The following ZFHX3 variants were observed in gnomAD, a reference collection of about 807,000 sequenced individuals.
The protein encoded by ZFHX3 is zinc finger homeobox 3.
A neutral mutation model predicts 279.1 loss-of-function variants in ZFHX3; 42 were observed. That is an observed-to-expected ratio of 0.15 (90% CI 0.12 to 0.19). ZFHX3 has a LOEUF of 0.19. Ranked by LOEUF, ZFHX3 falls within the 10% of genes least tolerant of loss-of-function variation. The pLI, the probability that ZFHX3 is intolerant of heterozygous loss-of-function variation, is 1.00. For missense variants in ZFHX3, 4,981 were observed against 4,754.0 expected (o/e 1.05, Z -1.40); for synonymous variants, 2,293 against 1,957.8 (o/e 1.17, Z -4.52).
chr16:73,209,431 A>G (rs1451921119), intron 5 of ZFHX3, among the ~76,000 whole-genome samples: 1 of 152,194 alleles, frequency 6.6e-6, no homozygotes, highest in Non-Finnish European at 1.5e-5. Flanking sequence ...GAGCCTGGTC[A>G]CTGCTTACAA....
chr16:73,575,967 G>C lies in ZFHX3; in HGVS notation c.-1547+104213C>G, dbSNP rs144833058. ...GATGTACACACAAAATGGATTTTCA[G>C]GATGAATGGAAGCCAAGCCCCGTCT... On this transcript the variant is annotated intron_variant, in intron 2 of 17. Transcript: ENST00000641206. 7.9e-5 allele frequency among the ~76,000 whole-genome samples: 12 copies of C among 152,238 alleles called. No individual in the cohort carries two copies. The East Asian group carries it at 2.3e-3, about 29-fold the overall frequency.
At chr16:72,854,480 A>C (rs974993778) in intron 4 of ZFHX3, among the ~76,000 whole-genome samples, 7 of 152,110 alleles carry the variant, frequency 4.6e-5, no homozygotes, top group Non-Finnish European at 1.0e-4. Flanking sequence ...GAGGCCTACA[A>C]ATCCGGGCTC....
Position 73,489,770 on chromosome 16 carries a change from A to T in ZFHX3, c.-1546-33512T>A, listed in dbSNP as rs1415446177. ...ATAAAAAGAAACAAAATTCTGACTC[A>T]GAATGCTTAAAACAATTTTTCTCTG... On this transcript the variant is annotated intron_variant, in intron 2 of 17. Transcript: ENST00000641206. Among the ~76,000 whole-genome samples the T allele has an allele frequency of 2.0e-5, 3 of 152,212 alleles. No homozygotes were observed. In the East Asian group the frequency reaches 5.8e-4, roughly 29 times the overall value.
intron 1 of ZFHX3, among the ~76,000 whole-genome samples, chr16:73,818,417 G>A (rs1049056124): frequency 5.9e-5 from 9 of 152,116 alleles, no homozygotes; most frequent in Admixed American, 3.9e-4. Context: ...TGGATTTCAC[G>A]CTAAGCAATT....
At chr16:72,951,909 T>C (rs1029606994) in intron 2 of ZFHX3, among the ~76,000 whole-genome samples, 5 of 152,192 alleles carry the variant, frequency 3.3e-5, no homozygotes, top group Admixed American at 6.5e-5. Context: ...GGAAGCTACA[T>C]GGTGGTGAGT....
intron 6 of ZFHX3, among the ~76,000 whole-genome samples, chr16:73,140,338 G>A (rs1966844236): frequency 6.6e-6 from 1 of 152,134 alleles, no homozygotes; most frequent in Admixed American, 6.5e-5. Context: ...CTTGTGTAGG[G>A]ATGTTCAAGA....
intron 7 of ZFHX3, among the ~76,000 whole-genome samples, chr16:73,120,192 T>A (rs1459212685): frequency 2.0e-5 from 3 of 152,200 alleles, no homozygotes; most frequent in Admixed American, 1.3e-4. Context: ...TTCCCATTTC[T>A]AGTCCTGCCC....
At chr16:73,272,792 G>C (rs2014184128) in intron 4 of ZFHX3, among the ~76,000 whole-genome samples, 1 of 152,112 alleles carries the variant, frequency 6.6e-6, no homozygotes, top group Admixed American at 6.5e-5. Flanking sequence ...TGTCGCCCAG[G>C]CTGGAGCACA....
At chr16:73,684,280 G>A (rs149578019) in intron 1 of ZFHX3, among the ~76,000 whole-genome samples, 2 of 152,062 alleles carry the variant, frequency 1.3e-5, no homozygotes, top group Non-Finnish European at 1.5e-5. Flanking sequence ...CTGCTCTAGG[G>A]GTCCATTATT....
intron 1 of ZFHX3, among the ~76,000 whole-genome samples, chr16:73,708,027 A>G (rs2053321689): frequency 1.3e-5 from 2 of 150,606 alleles, no homozygotes; most frequent in African/African-American, 4.9e-5. Flanking sequence ...GATAGATGTT[A>G]ATCCCTGTGG....
At position 72,913,922 on chromosome 16, in the gene ZFHX3, T is replaced by C. The variant is rs149934021; in HGVS notation, c.3217-23960A>G. Among the ~76,000 whole-genome samples, 906 of 152,226 alleles carry C rather than the reference T, an allele frequency of 6.0e-3. 10 individuals carry two copies. Among genetic ancestry groups the C allele is most frequent in the African/African-American group, 0.021 (859 of 41,542 alleles). ...GCCAGGTGCTGTGTAGCTATAGATATTAGCCCATTTAATCCCCACCACAGC... is the reference window on the plus strand; with the variant it reads ...GCCAGGTGCTGTGTAGCTATAGATACTAGCCCATTTAATCCCCACCACAGC... On this transcript the variant is annotated intron_variant, in intron 3 of 9. Transcript: ENST00000268489.
At chr16:73,604,612 G>A (rs1023993196) in intron 2 of ZFHX3, among the ~76,000 whole-genome samples, 2 of 152,074 alleles carry the variant, frequency 1.3e-5, no homozygotes, top group South Asian at 2.1e-4. Flanking sequence ...TGAGCATGGT[G>A]GCAGATACCT....
At chr16:73,767,936 C>G (rs546937536) in intron 1 of ZFHX3, among the ~76,000 whole-genome samples, 28 of 152,300 alleles carry the variant, frequency 1.8e-4, no homozygotes, top group African/African-American at 6.7e-4. Context: ...GGAAACAAGA[C>G]AGGGTGAAGC....
In ZFHX3 at chr16:73,317,833, G is replaced by A. The variant is rs146711432; in HGVS notation, c.-1194+407C>T. Among the ~76,000 whole-genome samples the A allele has an allele frequency of 8.5e-3, 1,289 of 152,324 alleles. 8 individuals are homozygous for A. Among genetic ancestry groups the A allele is most frequent in the Non-Finnish European group, 0.013 (910 of 68,030 alleles). On this transcript the variant is annotated intron_variant, in intron 4 of 17. Coordinates refer to the ZFHX3 transcript ENST00000641206. ...GTTCACGCATGGAGATGAAGGGATG[G>A]CAAATAAATGGGCCCAGAGAATTCC...
intron 1 of ZFHX3, chr16:73,813,672 G>C (rs943935599): frequency 1.3e-5 from 2 of 152,196 alleles, no homozygotes; most frequent in Non-Finnish European, 2.9e-5. Context: ...GCACTCATCA[G>C]ACAGCCGTAG....
intron 1 of ZFHX3, among the ~76,000 whole-genome samples, chr16:73,874,549 T>C (rs1047986554): frequency 2.6e-5 from 4 of 152,358 alleles, no homozygotes; most frequent in African/African-American, 9.6e-5. Flanking sequence ...AGTTGCCAAA[T>C]ACATTTGTAA....
intron 4 of ZFHX3, among the ~76,000 whole-genome samples, chr16:72,874,332 G>A (rs542060736): frequency 1.4e-5 from 2 of 146,474 alleles, no homozygotes; most frequent in African/African-American, 5.1e-5. Context: ...TCAGCCTCCC[G>A]AGTGGCTGGG....
At chr16:72,980,074 G>C (rs1018866655) in intron 1 of ZFHX3, among the ~76,000 whole-genome samples, 5 of 152,212 alleles carry the variant, frequency 3.3e-5, no homozygotes, top group Admixed American at 2.0e-4. Flanking sequence ...TTGAGTGTGA[G>C]GCCAGCTAGT....
At chr16:73,095,302 C>G (rs956451140) in intron 7 of ZFHX3, among the ~76,000 whole-genome samples, 7 of 152,098 alleles carry the variant, frequency 4.6e-5, no homozygotes, top group African/African-American at 1.7e-4. Flanking sequence ...CTCTCCCTGT[C>G]CCCAGTCTGG....
Sources: allele counts gnomAD v4.1 joint callset (sites outside exome capture counted in the v4.1 genomes callset), GRCh38; gene constraint gnomAD v4.1.1; transcripts MANE v1.5; gene names NCBI Gene and HGNC (gene_info 2026-07-23, HGNC 2026-07-21).